Variants in ITGB6 observed in about 807,000 individuals in gnomAD.
The protein encoded by ITGB6 is integrin subunit beta 6, also known as integrin beta-6.
A neutral mutation model predicts 84.5 loss-of-function variants in ITGB6; 80 were observed. That is an observed-to-expected ratio of 0.95 (90% CI 0.79 to 1.14). The LOEUF (loss-of-function observed/expected upper bound fraction) is 1.14. Among genes scored for constraint, ITGB6 ranks in the 50% most tolerant of loss-of-function variants. The probability of loss-of-function intolerance (pLI) is 0.00; values close to 1 mark genes in which losing one functional copy is unlikely to be tolerated. For missense variants in ITGB6, 1,006 were observed against 968.0 expected (o/e 1.04, Z -0.52); for synonymous variants, 383 against 354.9 (o/e 1.08, Z -0.89).
In ITGB6 at chr2:160,110,070, C is replaced by T. The variant is rs77861561; in HGVS notation, c.2101+2010G>A. On this transcript the variant is annotated intron_variant, in intron 13 of 14. Coordinates refer to ENST00000283249, the MANE Select transcript of ITGB6 (RefSeq NM_000888.5). ...TATAGGGTTTGCCTAACAGTTCTGT[C>T]GGATGATGCTGATCTAACATCTTTT... Among the ~76,000 whole-genome samples, 1,254 of 152,194 alleles carry T rather than the reference C, an allele frequency of 8.2e-3. 18 individuals are homozygous for T. The highest frequency in any genetic ancestry group is 0.028 in the African/African-American group (1,154 of 41,512).
intron 12 of ITGB6, among the ~76,000 whole-genome samples, chr2:160,119,393 C>T (rs1334621231): frequency 2.0e-5 from 3 of 151,918 alleles, no homozygotes; most frequent in African/African-American, 7.3e-5. Context: ...TTTGACAAAC[C>T]TGAGAAAAAC....
chr2:160,144,451 CAT>C (rs1191353419), intron 7 of ITGB6, among the ~76,000 whole-genome samples: 7 of 152,128 alleles, frequency 4.6e-5, no homozygotes, highest in African/African-American at 9.7e-5. Flanking sequence ...AAGCATGTGA[CAT>C]GTGGTTAACA....
intron 10 of ITGB6, among the ~76,000 whole-genome samples, chr2:160,126,804 A>C (rs1005775770): frequency 6.6e-6 from 1 of 152,224 alleles, no homozygotes; most frequent in African/African-American, 2.4e-5. Flanking sequence ...GCATACTTAG[A>C]TCTGGTCTCC....
chr2:160,133,564 A>G (rs1284748299), intron 10 of ITGB6, among the ~76,000 whole-genome samples: 7 of 152,298 alleles, frequency 4.6e-5, no homozygotes, highest in Non-Finnish European at 1.0e-4. Context: ...CCTAATAGAC[A>G]TCTACAGAAC....
intron 7 of ITGB6, among the ~76,000 whole-genome samples, chr2:160,143,935 G>A (rs999763791): frequency 6.6e-6 from 1 of 152,118 alleles, no homozygotes; most frequent in Non-Finnish European, 1.5e-5. Context: ...TGGAAAAATG[G>A]GTTTTGGTTT....
At position 160,169,316 on chromosome 2, in the gene ITGB6, A is replaced by G. The variant is rs371588628; in HGVS notation, c.922-9T>C. On this transcript the variant is annotated splice_polypyrimidine_tract_variant and intron_variant, in intron 6 of 14. Transcript: ENST00000283249. ...CCAATTGTTGGATATTCCTAAAATTAACATATATAATTTTGCATCATCTCA... is the reference window on the plus strand; with the variant it reads ...CCAATTGTTGGATATTCCTAAAATTGACATATATAATTTTGCATCATCTCA... 1.4e-6 allele frequency: 2 copies of G among 1,432,408 alleles called. No individual in the cohort carries two copies. The highest frequency in any genetic ancestry group is 2.8e-5 in the African/African-American group (2 of 70,700). The allele number at this position is 1,432,408 out of a possible 1,614,324, so 88.7% of individuals were successfully genotyped here.
Position 160,107,810 on chromosome 2 carries a change from A to G in ITGB6, c.2137T>C (p.Leu713=). The G allele has an allele frequency of 6.2e-7, 1 of 1,613,508 alleles. No individual in the cohort carries two copies. The highest frequency in any genetic ancestry group is 8.5e-7 in the Non-Finnish European group (1 of 1,179,562). ...AGAAGAATAGCCAGGGAAACCCCTA[A>G]CATGATCATGGGAATGTTTGGAGGC... ...PKPPNIPMIM[L]GVSLAILLIG... Residue 713 remains leucine, a synonymous_variant, in exon 14 of 15, where the codon TTA becomes CTA. Coordinates refer to ENST00000283249, the MANE Select transcript of ITGB6 (RefSeq NM_000888.5).
intron 10 of ITGB6, among the ~76,000 whole-genome samples, chr2:160,132,627 A>G (rs1281863968): frequency 6.6e-6 from 1 of 152,164 alleles, no homozygotes; most frequent in African/African-American, 2.4e-5. Flanking sequence ...TAAATTCAGC[A>G]TTCAGTTAAT....
At chr2:160,166,544 C>T (rs1323113108) in intron 7 of ITGB6, among the ~76,000 whole-genome samples, 1 of 152,082 alleles carries the variant, frequency 6.6e-6, no homozygotes, top group East Asian at 1.9e-4. Flanking sequence ...TGGCCTGATA[C>T]TATGTTAATG....
rs189332003 is a variant in ITGB6, at chr2:160,099,798, C to T, written c.*1938G>A. 9 of 152,196 alleles carry T rather than the reference C, an allele frequency of 5.9e-5. No individual in the cohort carries two copies. In the East Asian group the frequency reaches 1.7e-3, roughly 29 times the overall value. 9.4% of individuals were successfully genotyped at this position (152,196 alleles called of 1,614,324 possible). ...GAAGTACTACTGTTAATGTTTTGGC[C>T]TTTCCAAGGTCCTGCCTGGGGTCAA... On this transcript the variant is annotated 3_prime_UTR_variant, in exon 15 of 15. Transcript: ENST00000283249.
chr2:160,195,559 A>G lies in ITGB6; in HGVS notation c.403T>C (p.Leu135=), dbSNP rs1181360427. ...GCGGAGAGGTCCATGAGGTAATACA[A>G]ATCCACCGGGTAGTCCTCAGTCTGG... The part of the protein sequence containing the change: ...VRQTEDYPVD[L]YYLMDLSASM... The change falls in exon 4 of 15, where the codon TTG becomes CTG. Residue 135 remains leucine, a synonymous_variant. Coordinates refer to ENST00000283249, the MANE Select transcript of ITGB6 (RefSeq NM_000888.5). 6.2e-7 allele frequency: 1 copy of G among 1,614,120 alleles called. No homozygotes were observed. Among genetic ancestry groups the G allele is most frequent in the Non-Finnish European group, 8.5e-7 (1 of 1,179,996 alleles).
In ITGB6 at chr2:160,137,581, C is replaced by T. The variant is rs909210743; in HGVS notation, c.1513G>A (p.Ala505Thr). 3.7e-6 allele frequency: 6 copies of T among 1,614,220 alleles called. No individual in the cohort carries two copies. Among genetic ancestry groups the T allele is most frequent in the Admixed American group, 3.3e-5 (2 of 60,024 alleles). ...DMLSTDSCKE[A>T]PDHPSCSGRG... The stretch of plus-strand genomic sequence containing the variant: ...CCGCTGCAGGAGGGATGATCTGGGG[C>T]CTCCTTGCAGGAATCTGTGCTCAGC... The change falls in exon 10 of 15, where the codon GCC (alanine) becomes ACC (threonine). Residue 505 changes from alanine to threonine, a missense_variant. By Grantham distance (58) the Ala-to-Thr change is moderately conservative. Coordinates refer to ENST00000283249, the MANE Select transcript of ITGB6 (RefSeq NM_000888.5).
Position 160,112,173 on chromosome 2 carries a change from AG to A in ITGB6, c.2007del (p.Cys670AlafsTer14). On this transcript the variant is annotated frameshift_variant, in exon 13 of 15. Coordinates refer to ENST00000283249, the MANE Select transcript of ITGB6 (RefSeq NM_000888.5). LOFTEE classifies it high-confidence loss of function. ...EEDFSKDGSV[S>X]CSLQGENECL... ...CATTCATTTTCTCCTTGCAGAGAGC[AG>A]GAAACAGAACCATCCTTTGAGAAAT... The A allele has an allele frequency of 6.2e-7, 1 of 1,612,772 alleles. No homozygotes were observed. Among genetic ancestry groups the A allele is most frequent in the Non-Finnish European group, 8.5e-7 (1 of 1,178,960 alleles).
At chr2:160,179,943 C>CAAAAAAAAAAAA in intron 4 of ITGB6, among the ~76,000 whole-genome samples, 1 of 102,976 alleles carries the variant, frequency 9.7e-6, no homozygotes, top group Middle Eastern at 5.6e-3. Context: ...ACTAAAAATA[C>CAAAAAAAAAAAA]AAAAAAAAAA....
intron 4 of ITGB6, among the ~76,000 whole-genome samples, chr2:160,180,464 T>A (rs1022768780): frequency 5.3e-5 from 8 of 152,200 alleles, no homozygotes; most frequent in African/African-American, 1.9e-4. Flanking sequence ...TGTATTTAAC[T>A]TTTATTTTAT....
chr2:160,170,736 C>T (rs1685170305), intron 6 of ITGB6, among the ~76,000 whole-genome samples: 1 of 152,180 alleles, frequency 6.6e-6, no homozygotes, highest in Admixed American at 6.6e-5. Flanking sequence ...ATGTTGCAGG[C>T]AGGCATAGAT....
chr2:160,181,445 C>A (rs1010774456), intron 4 of ITGB6, among the ~76,000 whole-genome samples: 1 of 152,224 alleles, frequency 6.6e-6, no homozygotes, highest in Non-Finnish European at 1.5e-5. Flanking sequence ...TAGATTCCTC[C>A]TCTCTGGGCA....
At chr2:160,112,601 A>G (rs1682582247) in intron 12 of ITGB6, among the ~76,000 whole-genome samples, 1 of 152,218 alleles carries the variant, frequency 6.6e-6, no homozygotes. Flanking sequence ...TCAAACTGAT[A>G]CTGATACTTT....
intron 13 of ITGB6, among the ~76,000 whole-genome samples, chr2:160,109,939 T>G (rs563153135): frequency 2.0e-5 from 3 of 152,374 alleles, no homozygotes; most frequent in African/African-American, 7.2e-5. Context: ...GCTTTTATAC[T>G]GATTACACGT....
Sources: gnomAD v4.1 joint callset for allele counts (sites outside exome capture counted in the v4.1 genomes callset) on GRCh38, gnomAD v4.1.1 for gene constraint, MANE v1.5 for transcripts, NCBI Gene and HGNC (gene_info 2026-07-23, HGNC 2026-07-21) for gene names.